DLGAP2: variants seen among roughly 807,000 people sequenced by gnomAD.
DLGAP2 encodes DLG associated protein 2, also known as disks large-associated protein 2.
DLGAP2 carries 26 observed loss-of-function variants against 100.3 expected under a neutral mutation model. The observed-to-expected ratio is 0.26, with a 90% confidence interval of 0.19 to 0.36. The LOEUF (loss-of-function observed/expected upper bound fraction) is 0.36. Ranked by LOEUF, DLGAP2 falls within the 10% of genes least tolerant of loss-of-function variation. The probability of loss-of-function intolerance (pLI) is 1.00; values close to 1 mark genes in which losing one functional copy is unlikely to be tolerated. For missense variants in DLGAP2, 1,858 were observed against 1,453.2 expected (o/e 1.28, Z -4.53); for synonymous variants, 886 against 630.1 (o/e 1.41, Z -6.08).
intron 1 of DLGAP2, among the ~76,000 whole-genome samples, chr8:775,973 C>G (rs1268729605): frequency 1.3e-5 from 2 of 151,194 alleles, no homozygotes; most frequent in Non-Finnish European, 3.0e-5. Flanking sequence ...GTGAATCCGT[C>G]TGGTCCTGGA....
intron 3 of DLGAP2, among the ~76,000 whole-genome samples, chr8:1,368,250 ATG>A (rs771606398): frequency 6.6e-6 from 1 of 151,524 alleles, no homozygotes; most frequent in South Asian, 2.1e-4. Context: ...ATGTGTGAGC[ATG>A]TGTGTGCGTG....
At chr8:1,607,616 C>A (rs1215574190) in intron 6 of DLGAP2, among the ~76,000 whole-genome samples, 5 of 152,264 alleles carry the variant, frequency 3.3e-5, no homozygotes. Flanking sequence ...TTCTGCATTT[C>A]CATCTGAGGT....
At chr8:1,102,881 G>A (rs1804631220) in intron 2 of DLGAP2, among the ~76,000 whole-genome samples, 1 of 151,798 alleles carries the variant, frequency 6.6e-6, no homozygotes, top group Admixed American at 6.6e-5. Flanking sequence ...GGGGTCTCTG[G>A]TTTTCTGGGG....
In DLGAP2 at chr8:1,024,490, A is replaced by G. The variant is rs13276106; in HGVS notation, c.73+116524A>G. ...CCGTGCCGAAGGAGACGCTCCAACC[A>G]CCACCCATGCCAAGGTAGTGCCTGC... On this transcript the variant is annotated intron_variant, in intron 2 of 14. Coordinates refer to ENST00000637795, the MANE Select transcript of DLGAP2 (RefSeq NM_001346810.2). 6.6e-3 allele frequency among the ~76,000 whole-genome samples: 988 copies of G among 150,164 alleles called. 42 individuals carry two copies. Among genetic ancestry groups the G allele is most frequent in the African/African-American group, 0.024 (960 of 39,800 alleles).
At chr8:1,604,697 A>T (rs979913623) in intron 6 of DLGAP2, 13 of 152,202 alleles carry the variant, frequency 8.5e-5, no homozygotes, top group Admixed American at 8.5e-4. Context: ...CCAGATTGGG[A>T]TTTGCAAAAC....
intron 2 of DLGAP2, among the ~76,000 whole-genome samples, chr8:1,083,373 C>T (rs1399171999): frequency 6.6e-6 from 1 of 152,152 alleles, no homozygotes; most frequent in Admixed American, 6.5e-5. Flanking sequence ...GAAGAGTAGC[C>T]ATTCTCTGTT....
At chr8:1,264,254 G>A (rs781668447) in intron 3 of DLGAP2, among the ~76,000 whole-genome samples, 1 of 152,188 alleles carries the variant, frequency 6.6e-6, no homozygotes, top group Non-Finnish European at 1.5e-5. Context: ...AGTCGCTCCT[G>A]AGATGCAATC....
rs1001042143 is a variant in DLGAP2 at position 834,747 on chromosome 8, A to G, written c.19-73165A>G. On this transcript the variant is annotated intron_variant, in intron 1 of 14. Transcript: ENST00000637795. Reference sequence around the variant, plus strand: ...CTCAGTACCTGAGTGACAGGATCCTATTGGGTACTATGCTTAGTACCTGGA... The same window carrying G: ...CTCAGTACCTGAGTGACAGGATCCTGTTGGGTACTATGCTTAGTACCTGGA... 1.3e-5 allele frequency among the ~76,000 whole-genome samples: 2 copies of G among 152,186 alleles called. 1 individual carries two copies. Among genetic ancestry groups the G allele is most frequent in the Non-Finnish European group, 2.9e-5 (2 of 68,030 alleles).
At chr8:909,428 C>T (rs1288451916) in intron 2 of DLGAP2, among the ~76,000 whole-genome samples, 2 of 151,100 alleles carry the variant, frequency 1.3e-5, no homozygotes, top group East Asian at 3.9e-4. Flanking sequence ...GCGGACATCA[C>T]AGTGGGTATT....
At chr8:885,358 A>G (rs1474280150) in intron 1 of DLGAP2, among the ~76,000 whole-genome samples, 2 of 152,110 alleles carry the variant, frequency 1.3e-5, no homozygotes, top group Non-Finnish European at 2.9e-5. Context: ...TGTTAGCTGT[A>G]TTCCTAGGTA....
At chr8:1,530,324 T>C (rs1273005056) in intron 4 of DLGAP2, among the ~76,000 whole-genome samples, 4 of 152,130 alleles carry the variant, frequency 2.6e-5, no homozygotes, top group Non-Finnish European at 5.9e-5. Context: ...ATTTCTCCCA[T>C]TTGCTTTTGA....
chr8:1,350,198 G>C (rs74460149), intron 3 of DLGAP2, among the ~76,000 whole-genome samples: 29,227 of 116,758 alleles, frequency 0.25, 3,677 homozygotes, highest in Admixed American at 0.32. Flanking sequence ...CGGGTCCTGA[G>C]TGTGCGTGGA....
chr8:1,213,338 A>G (rs1286371420), intron 2 of DLGAP2, among the ~76,000 whole-genome samples: 1 of 152,214 alleles, frequency 6.6e-6, no homozygotes, highest in African/African-American at 2.4e-5. Flanking sequence ...GAGTTTTGAA[A>G]TTAAATTTCA....
intron 1 of DLGAP2, among the ~76,000 whole-genome samples, chr8:844,589 C>A (rs1304786308): frequency 6.6e-6 from 1 of 152,180 alleles, no homozygotes; most frequent in Non-Finnish European, 1.5e-5. Context: ...GACCCCCTTC[C>A]CAGCCATGCT....
At chr8:1,397,874 G>GT (rs1278803245) in intron 3 of DLGAP2, among the ~76,000 whole-genome samples, 1 of 884 alleles carries the variant, frequency 1.1e-3, no homozygotes, top group African/African-American at 5.8e-3. Context: ...TAAATGTGAC[G>GT]TTTCTGTTTT....
At chr8:1,583,942 C>G (rs933622992) in intron 6 of DLGAP2, among the ~76,000 whole-genome samples, 5 of 152,040 alleles carry the variant, frequency 3.3e-5, no homozygotes, top group South Asian at 4.2e-4. Context: ...TCCTTGCTGC[C>G]GGTCATCCTT....
At chr8:973,212 A>G (rs573465958) in intron 2 of DLGAP2, among the ~76,000 whole-genome samples, 15 of 148,378 alleles carry the variant, frequency 1.0e-4, no homozygotes, top group African/African-American at 3.3e-4. Flanking sequence ...GGCGACCCCC[A>G]CCTCCCTCCC....
intron 3 of DLGAP2, among the ~76,000 whole-genome samples, chr8:1,294,988 G>T (rs564919391): frequency 7.2e-5 from 11 of 151,958 alleles, no homozygotes; most frequent in Admixed American, 3.9e-4. Context: ...AACTTCACTT[G>T]AGGAAAAAAG....
intron 6 of DLGAP2, among the ~76,000 whole-genome samples, chr8:1,577,277 T>A (rs969091857): frequency 2.6e-5 from 4 of 152,150 alleles, no homozygotes; most frequent in East Asian, 1.9e-4. Flanking sequence ...ACGATAAAAA[T>A]TTTTTAAGGG....
Sources: allele counts gnomAD v4.1 joint callset (sites outside exome capture counted in the v4.1 genomes callset), GRCh38; gene constraint gnomAD v4.1.1; transcripts MANE v1.5; gene names NCBI Gene and HGNC (gene_info 2026-07-23, HGNC 2026-07-21).